The following GNS variants were observed in gnomAD, a reference collection of about 807,000 sequenced individuals.
The protein encoded by GNS is glucosamine (N-acetyl)-6-sulfatase.
In GNS, 40 loss-of-function variants were observed where a neutral mutation model predicts 69.7. The ratio of observed to expected loss-of-function variants is 0.57; its 90% CI spans 0.45 to 0.75. GNS has a LOEUF of 0.75. Among genes scored for constraint, GNS ranks in the 30% least tolerant of loss-of-function variants. GNS has a pLI of 0.00. For synonymous variants in GNS, 243 were observed against 251.6 expected (o/e 0.97, Z 0.32); for missense variants, 565 against 685.5 (o/e 0.82, Z 1.96).
chr12:64,723,373 G>T (rs554476863), intron 10 of GNS, among the ~76,000 whole-genome samples: 2 of 152,312 alleles, frequency 1.3e-5, no homozygotes, highest in South Asian at 2.1e-4. Flanking sequence ...ATCAGGTCAG[G>T]AATGGAACCT....
intron 2 of GNS, among the ~76,000 whole-genome samples, chr12:64,750,879 A>G (rs889463785): frequency 7.9e-5 from 12 of 152,174 alleles, no homozygotes; most frequent in African/African-American, 2.9e-4. Context: ...GCACTCCAAC[A>G]TGGGCGGTAG....
At chr12:64,745,500 G>A (rs1052461610) in intron 4 of GNS, among the ~76,000 whole-genome samples, 159 bp downstream of exon 4, 4 of 152,004 alleles carry the variant, frequency 2.6e-5, no homozygotes, top group Non-Finnish European at 2.9e-5. Context: ...GATTCTAGGC[G>A]TGAGCCACTA....
intron 9 of GNS, among the ~76,000 whole-genome samples, chr12:64,732,166 G>GTTTTT (rs1565883223): frequency 1.0e-5 from 1 of 98,592 alleles, no homozygotes; most frequent in Non-Finnish European, 1.9e-5. Context: ...TTTTTTTTTT[G>GTTTTT]TTGTTTTTTT....
chr12:64,743,823 C>T (rs946555590), intron 5 of GNS, among the ~76,000 whole-genome samples: 3 of 152,172 alleles, frequency 2.0e-5, no homozygotes, highest in African/African-American at 7.2e-5. Context: ...AATACATGGA[C>T]TTAAGTTTTG....
chr12:64,733,084 G>A (rs1160611994), intron 9 of GNS, among the ~76,000 whole-genome samples: 1 of 151,594 alleles, frequency 6.6e-6, no homozygotes, highest in Non-Finnish European at 1.5e-5. Context: ...AGACCAGCCT[G>A]GGCAACATAA....
At chr12:64,748,599 C>A (rs951348497) in intron 2 of GNS, among the ~76,000 whole-genome samples, 4 of 152,186 alleles carry the variant, frequency 2.6e-5, no homozygotes, top group South Asian at 4.1e-4. Context: ...AATTGAGACA[C>A]AGTGGTTCAT....
chr12:64,753,971 T>C (rs1592510317), intron 1 of GNS, among the ~76,000 whole-genome samples: 1 of 152,196 alleles, frequency 6.6e-6, no homozygotes, highest in Admixed American at 6.5e-5. Flanking sequence ...CCTGAGTTAC[T>C]GTGAGGACAT....
In GNS at chr12:64,714,139, G is replaced by T. The variant is rs547034900; in HGVS notation, c.*2602C>A. The T allele has an allele frequency of 2.0e-5, 3 of 151,860 alleles. No homozygotes were observed. The highest frequency in any genetic ancestry group is 7.3e-5 in the African/African-American group (3 of 41,164). The allele number at this position is 151,860 out of a possible 1,614,324, so 9.4% of individuals were successfully genotyped here. A position where few individuals can be genotyped will look rare whatever the true frequency, so the allele number is the denominator to read the frequency against. On this transcript the variant is annotated 3_prime_UTR_variant, in exon 14 of 14. Coordinates refer to ENST00000258145, the MANE Select transcript of GNS (RefSeq NM_002076.4). The stretch of plus-strand genomic sequence containing the variant: ...CGCGAGACTTCATCTCAAAAAAAAA[G>T]TGTTTGCAACAGCACCATTTGTCAA...
chr12:64,745,038 G>A (rs1869856523), intron 4 of GNS, 131 bp from the exon 5 acceptor site: 1 of 653,744 alleles, frequency 1.5e-6, no homozygotes, highest in Admixed American at 2.3e-5. Flanking sequence ...AGTCAATACT[G>A]AATTGGATTT....
chr12:64,746,133 G>A, intron 3 of GNS: 1 of 260,088 alleles, frequency 3.8e-6, no homozygotes, highest in East Asian at 1.0e-4. Context: ...CGCTACAGTG[G>A]CAGAGCTGAA....
chr12:64,736,496 A>G (rs1869560288), intron 9 of GNS, among the ~76,000 whole-genome samples: 1 of 152,246 alleles, frequency 6.6e-6, no homozygotes, highest in African/African-American at 2.4e-5. Flanking sequence ...ACCAGATCCC[A>G]GGGGATTCAC....
Position 64,737,039 on chromosome 12 carries a change from G to T in GNS, c.1063C>A (p.Arg355=). The change falls in exon 9 of 14, where the codon CGA becomes AGA. Residue 355 remains arginine (R), a synonymous_variant. Coordinates refer to ENST00000258145, the MANE Select transcript of GNS (RefSeq NM_002076.4). The part of the protein sequence containing the change: ...EFDIKVPLLV[R]GPGIKPNQTS... Reference sequence around the variant, plus strand: ...TGATTTGGTTTGATCCCAGGTCCTCGAACCAACAGTGGAACTTTGATATCA... The same window carrying T: ...TGATTTGGTTTGATCCCAGGTCCTCTAACCAACAGTGGAACTTTGATATCA... The T allele has an allele frequency of 1.2e-6, 2 of 1,601,346 alleles. No homozygotes were observed. The highest frequency in any genetic ancestry group is 2.2e-5 in the East Asian group (1 of 44,810).
intron 4 of GNS, 119 bp downstream of exon 4, chr12:64,745,540 G>GT: frequency 1.3e-6 from 1 of 799,216 alleles, no homozygotes; most frequent in South Asian, 1.4e-5. Flanking sequence ...AAATTTTAAG[G>GT]TTTTTAAAAT....
At chr12:64,756,695 TGCTCTTGTCCTA>T in intron 1 of GNS, 2 of 1,386,616 alleles carry the variant, frequency 1.4e-6, no homozygotes, top group Non-Finnish European at 2.0e-6. Flanking sequence ...AGTTCTCAAA[TGCTCTTGTCCTA>T]GCTCTTCCCC....
chr12:64,737,182 TCCAC>T, intron 8 of GNS, 75 bp from the exon 9 acceptor site: 2 of 849,602 alleles, frequency 2.4e-6, no homozygotes, highest in Non-Finnish European at 4.1e-6. Context: ...ACTCATTTAA[TCCAC>T]AGCCAAAACT....
chr12:64,758,309 CTTTTTTTTTTTTTTTTTT>C (rs139394351), intron 1 of GNS, among the ~76,000 whole-genome samples: 15 of 67,406 alleles, frequency 2.2e-4, no homozygotes, highest in Non-Finnish European at 2.5e-4. Context: ...CACTTCAGGC[CTTTTTTTTTTTTTTTTTT>C]TTTTTTTTTT....
At chr12:64,744,964 T>G in intron 4 of GNS, 57 bp from the exon 5 acceptor site, 1 of 804,912 alleles carries the variant, frequency 1.2e-6, no homozygotes, top group Non-Finnish European at 2.2e-6. Flanking sequence ...AGTGGAAGTC[T>G]GAATCCGTGC....
At chr12:64,719,873 G>A in intron 13 of GNS, 149 bp downstream of exon 13, 1 of 686,876 alleles carries the variant, frequency 1.5e-6, no homozygotes, top group Non-Finnish European at 2.6e-6. Flanking sequence ...GATTTTCCCA[G>A]CACAACGGGC....
intron 7 of GNS, 151 bp from the exon 8 acceptor site, chr12:64,739,650 A>T (rs1869669398): frequency 1.6e-6 from 1 of 635,770 alleles, no homozygotes. Context: ...AAAAAAAAAA[A>T]TTGCAAAACA....
Sources: allele counts gnomAD v4.1 joint callset (sites outside exome capture counted in the v4.1 genomes callset), GRCh38; gene constraint gnomAD v4.1.1; transcripts MANE v1.5; gene names NCBI Gene and HGNC (gene_info 2026-07-23, HGNC 2026-07-21).